Variants in CELF2 observed in about 807,000 individuals in gnomAD.
The protein encoded by CELF2 is CUGBP Elav-like family member 2.
In CELF2, 8 loss-of-function variants were observed where a neutral mutation model predicts 62.6. The observed-to-expected ratio is 0.13, with a 90% CI of 0.07 to 0.23. The LOEUF (loss-of-function observed/expected upper bound fraction) is 0.23, where lower values mean the gene tolerates loss of function less well. CELF2 is among the 10% of genes least tolerant of loss of function. CELF2 has a pLI of 1.00. For missense variants in CELF2, 333 were observed against 671.0 expected (o/e 0.50, Z 5.56); for synonymous variants, 258 against 250.0 (o/e 1.03, Z -0.30).
intron 2 of CELF2, among the ~76,000 whole-genome samples, chr10:11,186,993 A>C (rs1010572355): frequency 6.6e-6 from 1 of 152,180 alleles, no homozygotes; most frequent in African/African-American, 2.4e-5. Flanking sequence ...TAAACAGTCC[A>C]TGTGCATCTC....
intron 1 of CELF2, among the ~76,000 whole-genome samples, chr10:10,803,781 A>G (rs1383411251): frequency 1.3e-5 from 2 of 152,202 alleles, no homozygotes; most frequent in Admixed American, 6.5e-5. Flanking sequence ...TTTAACTGTT[A>G]CATACCCAAT....
intron 1 of CELF2, among the ~76,000 whole-genome samples, chr10:10,906,462 G>A (rs1316311017): frequency 6.6e-6 from 1 of 152,194 alleles, no homozygotes; most frequent in Non-Finnish European, 1.5e-5. Flanking sequence ...TCTAGCACAG[G>A]AGACAAGCAG....
chr10:10,848,997 C>T (rs370779699), intron 1 of CELF2, among the ~76,000 whole-genome samples: 6 of 152,118 alleles, frequency 3.9e-5, no homozygotes, highest in Admixed American at 6.5e-5. Flanking sequence ...TGGACTCCCC[C>T]GTCCTTCTTC....
the CELF2 span, among the ~76,000 whole-genome samples, chr10:10,593,178 T>C: frequency 6.6e-6 from 1 of 152,160 alleles, no homozygotes; most frequent in African/African-American, 2.4e-5. Flanking sequence ...AGCAGATACA[T>C]CAGTTGGATT....
chr10:10,648,841 T>A, the CELF2 span, among the ~76,000 whole-genome samples: 4 of 152,194 alleles, frequency 2.6e-5, no homozygotes, highest in Non-Finnish European at 5.9e-5. Context: ...TTTGATCTTC[T>A]CAAAAATATT....
chr10:11,041,014 C>T (rs1271878402), intron 1 of CELF2, among the ~76,000 whole-genome samples: 5 of 152,146 alleles, frequency 3.3e-5, no homozygotes, highest in Non-Finnish European at 7.3e-5. Context: ...GTTTATTTCT[C>T]AAGGTTTTGG....
the CELF2 span, among the ~76,000 whole-genome samples, chr10:10,487,136 C>T: frequency 6.6e-6 from 1 of 152,194 alleles, no homozygotes; most frequent in African/African-American, 2.4e-5. Context: ...TGATGGCTCT[C>T]AGCAAATGGG....
At chr10:11,081,853 G>C (rs1416059909) in intron 1 of CELF2, among the ~76,000 whole-genome samples, 1 of 152,156 alleles carries the variant, frequency 6.6e-6, no homozygotes. Flanking sequence ...ATCACTTAGG[G>C]ATGTATTTTC....
At chr10:10,601,937 T>C in the CELF2 span, among the ~76,000 whole-genome samples, 1 of 152,060 alleles carries the variant, frequency 6.6e-6, no homozygotes, top group African/African-American at 2.4e-5. Flanking sequence ...CCCCTCCCTG[T>C]GTCCATGTGT....
At chr10:10,794,565 G>T (rs904240160), upstream of CELF2, 3 of 151,018 alleles carry the variant, frequency 2.0e-5, no homozygotes, top group Non-Finnish European at 4.4e-5. Context: ...AGAAAATTTT[G>T]TATTTCTTTC....
In CELF2 at chr10:10,939,277, G is replaced by GTTGTTGT. The variant is rs1564851300; in HGVS notation, c.89+19279_89+19280insTGTTGTT. 2.0e-3 allele frequency among the ~76,000 whole-genome samples: 283 copies of GTTGTTGT among 144,320 alleles called. 1 individual carries two copies. Among genetic ancestry groups the GTTGTTGT allele is most frequent in the African/African-American group, 7.2e-3 (272 of 37,556 alleles). 94.7% of individuals were successfully genotyped at this position (144,320 alleles called of 152,430 possible). On this transcript the variant is annotated intron_variant, in intron 2 of 13. Transcript: ENST00000636488. Reference sequence around the variant, plus strand: ...AATTAGCAAGTTCTTTTGTTTTGTGGTGTTGTTGTTGTTGTTGTTGTTGTT... The same window carrying GTTGTTGT: ...AATTAGCAAGTTCTTTTGTTTTGTGGTTGTTGTTGTTGTTGTTGTTGTTGTTGTTGTT...
intron 1 of CELF2, among the ~76,000 whole-genome samples, chr10:11,162,106 C>T (rs1384123762): frequency 6.6e-6 from 1 of 152,156 alleles, no homozygotes. Context: ...TTCGGCAGTG[C>T]CAGGAGAGTG....
intron 1 of CELF2, among the ~76,000 whole-genome samples, chr10:11,130,574 T>TTTTGAG (rs2131820828): frequency 6.6e-6 from 1 of 152,362 alleles, no homozygotes; most frequent in South Asian, 2.1e-4. Flanking sequence ...TATTAACGGC[T>TTTTGAG]TTGAGTTCTA....
intron 1 of CELF2, among the ~76,000 whole-genome samples, chr10:10,918,915 C>T (rs1172148548): frequency 6.6e-6 from 1 of 152,158 alleles, no homozygotes; most frequent in Admixed American, 6.5e-5. Flanking sequence ...CAACCGAAAG[C>T]CTCCATCTCC....
At chr10:10,754,150 C>CTT in the CELF2 span, among the ~76,000 whole-genome samples, 305 of 83,182 alleles carry the variant, frequency 3.7e-3, 2 homozygotes, top group African/African-American at 0.012. Flanking sequence ...ACACTTTTTT[C>CTT]TTTTTTTTTT....
chr10:11,040,179 G>A (rs2061586112), intron 1 of CELF2, among the ~76,000 whole-genome samples: 1 of 152,148 alleles, frequency 6.6e-6, no homozygotes, highest in African/African-American at 2.4e-5. Context: ...GGAAAGGGTG[G>A]CATTTCATTT....
intron 1 of CELF2, among the ~76,000 whole-genome samples, chr10:10,825,354 C>T (rs1200768485): frequency 1.3e-5 from 2 of 152,270 alleles, no homozygotes; most frequent in South Asian, 2.1e-4. Context: ...GCACTACAGG[C>T]GCCCGCCACC....
the CELF2 span, among the ~76,000 whole-genome samples, chr10:10,695,456 A>C: frequency 2.0e-5 from 3 of 149,992 alleles, no homozygotes; most frequent in Non-Finnish European, 4.5e-5. Context: ...CCTTCATTTC[A>C]ACTTTGGTGA....
At chr10:10,676,500 A>G in the CELF2 span, among the ~76,000 whole-genome samples, 7 of 152,218 alleles carry the variant, frequency 4.6e-5, no homozygotes, top group African/African-American at 1.7e-4. Flanking sequence ...GCAAAGCACC[A>G]AGAGATTTTT....
Sources: allele counts gnomAD v4.1 joint callset (sites outside exome capture counted in the v4.1 genomes callset), GRCh38; gene constraint gnomAD v4.1.1; transcripts MANE v1.5; gene names NCBI Gene and HGNC (gene_info 2026-07-23, HGNC 2026-07-21).